Variants in ZNF705A observed in about 807,000 individuals in gnomAD.
The protein encoded by ZNF705A is zinc finger protein 705A.
A neutral mutation model predicts 16.6 loss-of-function variants in ZNF705A; 8 were observed. The ratio of observed to expected loss-of-function variants is 0.48; its 90% CI spans 0.28 to 0.87. ZNF705A has a LOEUF of 0.87. ZNF705A is among the 40% of genes least tolerant of loss of function. ZNF705A has a pLI of 0.10. For missense variants in ZNF705A, 233 were observed against 359.9 expected, an observed-to-expected ratio of 0.65 and a Z score of 2.85; for synonymous variants, 73 against 117.3, an observed-to-expected ratio of 0.62 and a Z score of 2.44.
At chr12:8,162,278 C>A (rs768546216) in intron 1 of ZNF705A, among the ~76,000 whole-genome samples, 124 of 152,248 alleles carry the variant, frequency 8.1e-4, no homozygotes, top group African/African-American at 3.0e-3. Context: ...CTGGTCTGGG[C>A]AAACATGTGA....
At chr12:8,164,433 T>C (rs370279158) in intron 1 of ZNF705A, among the ~76,000 whole-genome samples, 6 of 152,226 alleles carry the variant, frequency 3.9e-5, no homozygotes, top group South Asian at 4.1e-4. Flanking sequence ...TATGTAACAC[T>C]GAATAATATT....
chr12:8,168,621 T>C (rs1457741177), upstream of ZNF705A, among the ~76,000 whole-genome samples: 1 of 152,238 alleles, frequency 6.6e-6, no homozygotes, highest in Non-Finnish European at 1.5e-5. Context: ...AATAACTAAA[T>C]GGCATATCCT....
At chr12:8,157,339 T>G (rs1211672145) in intron 1 of ZNF705A, among the ~76,000 whole-genome samples, 1 of 152,128 alleles carries the variant, frequency 6.6e-6, no homozygotes, top group African/African-American at 2.4e-5. Flanking sequence ...CTGAAACATG[T>G]GAATTGGATT....
chr12:8,174,437 C>T (rs1350494792), exon 2 of ZNF705A: 5 of 1,593,920 alleles, frequency 3.1e-6, no homozygotes, highest in Non-Finnish European at 4.2e-6. Context: ...AAATATCAGT[C>T]ACCTGGTGTC....
exon 4 of ZNF705A, chr12:8,175,935 T>C (rs1454964249): frequency 6.2e-7 from 1 of 1,611,516 alleles, no homozygotes; most frequent in South Asian, 1.1e-5. Context: ...TCCACCAGTA[T>C]GACAATGGTA....
At position 8,179,656 on chromosome 12, in the gene ZNF705A, A is replaced by G. The variant is rs576169827; in HGVS notation, c.*2073A>G. The G allele has an allele frequency of 2.6e-5, 4 of 152,260 alleles. 1 individual carries two copies. The highest frequency in any genetic ancestry group is 5.9e-5 in the Non-Finnish European group (4 of 68,044). 9.4% of individuals were successfully genotyped at this position (152,260 alleles called of 1,614,324 possible). On this transcript the variant is annotated 3_prime_UTR_variant, in exon 5 of 5. Coordinates refer to ENST00000359286, the Ensembl canonical transcript of ZNF705A. ...AAGTGATTGATTTTACTCTGCAGCC[A>G]GGGTTTATGTCAAGTGTGAGGATAA...
rs193275488 is a variant in ZNF705A at position 8,179,785 on chromosome 12, T to C, written c.*2202T>C. The C allele has an allele frequency of 1.4e-3, 218 of 152,322 alleles. 1 individual carries two copies. Among genetic ancestry groups the C allele is most frequent in the African/African-American group, 4.9e-3 (205 of 41,572 alleles). 9.4% of individuals were successfully genotyped at this position (152,322 alleles called of 1,614,324 possible). ...ATTGTTTAATCTATTTAATTAAATATGTAATTTACCCACAAACTGTGGCTG... is the reference window on the plus strand; with the variant it reads ...ATTGTTTAATCTATTTAATTAAATACGTAATTTACCCACAAACTGTGGCTG... On this transcript the variant is annotated 3_prime_UTR_variant, in exon 5 of 5. Transcript: ENST00000359286.
rs751026637 is a variant in ZNF705A, at chr12:8,161,774, C to T, written c.-72+4682C>T. Among the ~76,000 whole-genome samples, 178 of 152,288 alleles carry T rather than the reference C, an allele frequency of 1.2e-3. 1 individual carries two copies. Among genetic ancestry groups the T allele is most frequent in the African/African-American group, 3.5e-3 (147 of 41,562 alleles). On this transcript the variant is annotated intron_variant, in intron 1 of 5. Coordinates refer to the ZNF705A transcript ENST00000396570. ...AAACAAGGAAGTAGCCTTAGGAGTA[C>T]TTACCCAAAAGCACGGAGGCCGCCG...
intron 1 of ZNF705A, among the ~76,000 whole-genome samples, chr12:8,166,094 G>T (rs1196476936): frequency 6.6e-6 from 1 of 152,224 alleles, no homozygotes; most frequent in Non-Finnish European, 1.5e-5. Context: ...GGCTCAGGGT[G>T]CAAGCTGTCA....
At chr12:8,177,169 A>T in exon 5 of ZNF705A, 1 of 1,612,010 alleles carries the variant, frequency 6.2e-7, no homozygotes, top group Non-Finnish European at 8.5e-7. Flanking sequence ...AACCACATAA[A>T]CAAATTCATA....
At position 8,166,683 on chromosome 12, in the gene ZNF705A, T is replaced by C. The variant is rs772199653; in HGVS notation, c.-71-5872T>C. Among the ~76,000 whole-genome samples, 534 of 152,372 alleles carry C rather than the reference T, an allele frequency of 3.5e-3. 4 individuals carry two copies. Among genetic ancestry groups the C allele is most frequent in the African/African-American group, 0.012 (498 of 41,588 alleles). ...GTACTTTGTGCACCTGCAGGTTTAA[T>C]ACCCCATGGAAATTGCCAAGGCTTG... On this transcript the variant is annotated intron_variant, in intron 1 of 5. Coordinates refer to the ZNF705A transcript ENST00000396570.
At chr12:8,165,273 T>C (rs922133232) in intron 1 of ZNF705A, among the ~76,000 whole-genome samples, 11 of 141,742 alleles carry the variant, frequency 7.8e-5, no homozygotes, top group African/African-American at 2.9e-4. Flanking sequence ...CTCAGATCTT[T>C]GCCCATTTTT....
chr12:8,178,899 T>A (rs1948508913), exon 5 of ZNF705A: 1 of 152,218 alleles, frequency 6.6e-6, no homozygotes, highest in Admixed American at 6.5e-5. Flanking sequence ...TAACAGCTCT[T>A]TCCTCACAGC....
exon 5 of ZNF705A, chr12:8,179,223 C>T (rs576765113): frequency 6.6e-6 from 1 of 152,088 alleles, no homozygotes; most frequent in African/African-American, 2.4e-5. Flanking sequence ...TCATGACACC[C>T]CACATTTTAT....
At chr12:8,176,711 T>G (rs1185147622) in intron 4 of ZNF705A, among the ~76,000 whole-genome samples, 1 of 152,196 alleles carries the variant, frequency 6.6e-6, no homozygotes, top group Non-Finnish European at 1.5e-5. Flanking sequence ...AGGAATTTCC[T>G]TGTGGGCAAA....
exon 5 of ZNF705A, chr12:8,177,505 A>C: frequency 1.2e-6 from 2 of 1,612,270 alleles, no homozygotes; most frequent in Non-Finnish European, 1.7e-6. Context: ...GAGGAAACAA[A>C]ATAATTCACA....
upstream of ZNF705A, among the ~76,000 whole-genome samples, chr12:8,170,196 C>G (rs141364610): frequency 7.9e-6 from 1 of 126,514 alleles, no homozygotes; most frequent in Non-Finnish European, 1.6e-5. Flanking sequence ...CCCCCCCCCC[C>G]AAAAAAAAAA....
At chr12:8,162,053 A>G (rs1033136355) in intron 1 of ZNF705A, among the ~76,000 whole-genome samples, 2 of 152,180 alleles carry the variant, frequency 1.3e-5, no homozygotes, top group African/African-American at 4.8e-5. Context: ...AGCCCTAACC[A>G]CTGATGATTC....
rs745333178 is a variant in ZNF705A, at chr12:8,162,863, C to G, written c.-72+5771C>G. On this transcript the variant is annotated intron_variant, in intron 1 of 5. Coordinates refer to the ZNF705A transcript ENST00000396570. ...TAAGAATTAATCACCCCACTTGCTC[C>G]TGGTCTGAAACTCCAAAGTGCTTTG... 9.9e-4 allele frequency among the ~76,000 whole-genome samples: 151 copies of G among 152,288 alleles called. 2 individuals are homozygous for G. Among genetic ancestry groups the G allele is most frequent in the African/African-American group, 3.5e-3 (144 of 41,560 alleles).
Sources: gnomAD v4.1 joint callset for allele counts (sites outside exome capture counted in the v4.1 genomes callset) on GRCh38, gnomAD v4.1.1 for gene constraint, MANE v1.5 for transcripts, NCBI Gene and HGNC (gene_info 2026-07-23, HGNC 2026-07-21) for gene names.